PRDM5: variants seen among roughly 807,000 people sequenced by gnomAD.
PRDM5 encodes PR/SET domain 5.
PRDM5 carries 56 observed loss-of-function variants against 81.2 expected under a neutral mutation model. The observed-to-expected ratio is 0.69, with a 90% CI of 0.56 to 0.86. The LOEUF (loss-of-function observed/expected upper bound fraction) is 0.86, where lower values mean the gene tolerates loss of function less well. PRDM5 is among the 40% of genes least tolerant of loss of function. The pLI, the probability that PRDM5 is intolerant of heterozygous loss-of-function variation, is 0.00. For missense variants in PRDM5, 697 were observed against 770.1 expected (o/e 0.91, Z 1.12); for synonymous variants, 267 against 256.4 (o/e 1.04, Z -0.39).
chr4:120,821,026 A>G (rs1488906657), intron 4 of PRDM5, 145 bp downstream of exon 4: 1 of 985,280 alleles, frequency 1.0e-6, no homozygotes, highest in Non-Finnish European at 1.6e-6. Flanking sequence ...AGTCCACCAC[A>G]GGATACCCTC....
At chr4:120,758,609 A>T (rs1424816750) in intron 13 of PRDM5, among the ~76,000 whole-genome samples, 1 of 152,082 alleles carries the variant, frequency 6.6e-6, no homozygotes, top group Admixed American at 6.5e-5. Context: ...ATCCTTCCCT[A>T]GCGCCTTCAC....
intron 2 of PRDM5, among the ~76,000 whole-genome samples, chr4:120,905,404 G>A (rs748464087): frequency 1.7e-4 from 26 of 152,048 alleles, no homozygotes; most frequent in Non-Finnish European, 3.5e-4. Flanking sequence ...TTGTAGATGC[G>A]GTTAACATCT....
At chr4:120,802,482 T>C (rs1428681062) in intron 8 of PRDM5, among the ~76,000 whole-genome samples, 1 of 152,206 alleles carries the variant, frequency 6.6e-6, no homozygotes, top group Non-Finnish European at 1.5e-5. Flanking sequence ...ACACCCCACA[T>C]GGCCAGGTAC....
chr4:120,866,919 G>A (rs778919151), intron 2 of PRDM5, among the ~76,000 whole-genome samples: 1 of 152,156 alleles, frequency 6.6e-6, no homozygotes, highest in Admixed American at 6.5e-5. Flanking sequence ...TAAAAGCAGA[G>A]AATTTTCTCT....
chr4:120,884,257 T>A (rs73843643), intron 2 of PRDM5, among the ~76,000 whole-genome samples: 1,734 of 152,332 alleles, frequency 0.011, 24 homozygotes, highest in African/African-American at 0.035. Context: ...TCGTATGTAT[T>A]GCTATAATTT....
At chr4:120,858,181 C>T (rs1007435656) in intron 2 of PRDM5, among the ~76,000 whole-genome samples, 51 of 152,152 alleles carry the variant, frequency 3.4e-4, no homozygotes, top group African/African-American at 1.2e-3. Context: ...TCAAAGAAAG[C>T]AGTTTTAAGC....
chr4:120,732,377 T>C (rs1740400341), intron 14 of PRDM5, among the ~76,000 whole-genome samples: 1 of 152,204 alleles, frequency 6.6e-6, no homozygotes. Context: ...ATTTGTTTTA[T>C]GCACTTTCAG....
chr4:120,770,020 ATTTGTTTGTTTG>A (rs66903785), intron 13 of PRDM5, among the ~76,000 whole-genome samples: 2 of 151,042 alleles, frequency 1.3e-5, no homozygotes, highest in South Asian at 2.1e-4. Context: ...TTATTTATTT[ATTTGTTTGTTTG>A]TTTGTTTGTT....
intron 14 of PRDM5, among the ~76,000 whole-genome samples, chr4:120,714,992 C>A (rs1200623079): frequency 1.3e-5 from 2 of 152,166 alleles, no homozygotes; most frequent in East Asian, 1.9e-4. Flanking sequence ...CAAGTACCAA[C>A]CTTTACCAAA....
intron 3 of PRDM5, among the ~76,000 whole-genome samples, chr4:120,829,326 T>A (rs1307716942): frequency 6.6e-6 from 1 of 152,200 alleles, no homozygotes; most frequent in African/African-American, 2.4e-5. Context: ...CACAGAAACA[T>A]TTACTCCTAG....
intron 2 of PRDM5, among the ~76,000 whole-genome samples, chr4:120,881,496 A>G (rs1019848062): frequency 3.3e-5 from 5 of 152,228 alleles, no homozygotes; most frequent in Admixed American, 2.0e-4. Flanking sequence ...TGTGTCATGA[A>G]GTAGAATTAA....
Position 120,714,104 on chromosome 4 carries a change from A to G in PRDM5, c.1624-3691T>C, listed in dbSNP as rs540247179. ...AAATATTCAGTCCATTGCAATGCCT[A>G]ATATGAAATCATTATCATTTTATAT... On this transcript the variant is annotated intron_variant, in intron 14 of 15. Transcript: ENST00000264808. Among the ~76,000 whole-genome samples, 7 of 152,336 alleles carry G rather than the reference A, an allele frequency of 4.6e-5. No homozygotes were observed. The East Asian group carries it at 1.3e-3, about 29-fold the overall frequency.
At chr4:120,769,541 A>G (rs981647422) in intron 13 of PRDM5, among the ~76,000 whole-genome samples, 4 of 152,210 alleles carry the variant, frequency 2.6e-5, no homozygotes, top group African/African-American at 7.2e-5. Context: ...TTCATTTTGT[A>G]CAAGGCAAGG....
intron 2 of PRDM5, among the ~76,000 whole-genome samples, chr4:120,906,284 G>C (rs1157247677): frequency 1.3e-5 from 2 of 152,020 alleles, no homozygotes; most frequent in Non-Finnish European, 2.9e-5. Flanking sequence ...AGATACATTG[G>C]ATCCACAAAT....
At chr4:120,853,836 T>G (rs1461059339) in intron 2 of PRDM5, among the ~76,000 whole-genome samples, 1 of 152,202 alleles carries the variant, frequency 6.6e-6, no homozygotes, top group African/African-American at 2.4e-5. Flanking sequence ...TTCCAGTATA[T>G]GTATTGCAAT....
chr4:120,798,429 TA>T lies in PRDM5; in HGVS notation c.1031-6del, dbSNP rs35363618. The T allele has an allele frequency of 8.8e-6, 14 of 1,592,562 alleles. No individual in the cohort carries two copies. Among genetic ancestry groups the T allele is most frequent in the Middle Eastern group, 1.7e-4 (1 of 5,934 alleles). ...CGCAATTATAGGGTCGTTTTTCTAT[TA>T]AAAAAATGAGTGGAGACAATCTCAT... On this transcript the variant is annotated splice_polypyrimidine_tract_variant and splice_region_variant and intron_variant, in intron 9 of 15. Coordinates refer to ENST00000264808, the MANE Select transcript of PRDM5 (RefSeq NM_018699.4).
At chr4:120,717,914 A>G (rs544438221) in intron 14 of PRDM5, among the ~76,000 whole-genome samples, 1 of 64,160 alleles carries the variant, frequency 1.6e-5, no homozygotes, top group Admixed American at 2.1e-4. Context: ...AAATCATAGA[A>G]TGATGCTTAA....
chr4:120,832,403 A>C (rs147004864), intron 3 of PRDM5, among the ~76,000 whole-genome samples: 2 of 152,146 alleles, frequency 1.3e-5, no homozygotes, highest in Non-Finnish European at 2.9e-5. Flanking sequence ...CATGAGGATT[A>C]TGGGAACTAC....
intron 10 of PRDM5, among the ~76,000 whole-genome samples, chr4:120,793,676 T>C (rs1011719237): frequency 6.6e-6 from 1 of 152,244 alleles, no homozygotes; most frequent in African/African-American, 2.4e-5. Flanking sequence ...CTATATGGTG[T>C]ATGACATGTT....
Sources: allele counts gnomAD v4.1 joint callset (sites outside exome capture counted in the v4.1 genomes callset), GRCh38; gene constraint gnomAD v4.1.1; transcripts MANE v1.5; gene names NCBI Gene and HGNC (gene_info 2026-07-23, HGNC 2026-07-21).